The following PCED1B variants were observed in gnomAD, a reference collection of about 807,000 sequenced individuals.
PCED1B encodes the protein PC-esterase domain-containing protein 1B.
For synonymous variants in PCED1B, 251 were observed against 246.1 expected, an observed-to-expected ratio of 1.02 and a Z score of -0.19; for missense variants, 573 against 573.9, an observed-to-expected ratio of 1.00 and a Z score of 0.02.
At chr12:47,108,130 C>T (rs1184816921) in intron 2 of PCED1B, among the ~76,000 whole-genome samples, 3 of 152,148 alleles carry the variant, frequency 2.0e-5, no homozygotes, top group Non-Finnish European at 2.9e-5. Context: ...AAATTGTTGA[C>T]TTGCAAGATG....
chr12:47,164,907 G>A (rs1160271841), intron 2 of PCED1B, among the ~76,000 whole-genome samples: 2 of 152,240 alleles, frequency 1.3e-5, no homozygotes. Context: ...CCAGGATGTA[G>A]TGAGCAGGTC....
intron 2 of PCED1B, among the ~76,000 whole-genome samples, chr12:47,214,529 C>T (rs1263921233): frequency 6.6e-6 from 1 of 151,866 alleles, no homozygotes; most frequent in Non-Finnish European, 1.5e-5. Context: ...CATTTTTGGC[C>T]AGGCTCGGTG....
Position 47,223,613 on chromosome 12 carries a change from A to T in PCED1B, c.-58+6924A>T, listed in dbSNP as rs1445633917. The T allele has an allele frequency of 2.0e-5, 3 of 152,268 alleles. No homozygotes were observed. The East Asian group carries it at 5.8e-4, about 29-fold the overall frequency. The allele number at this position is 152,268 out of a possible 1,614,324, so 9.4% of individuals were successfully genotyped here. ...AATGCAGAATGCAAATTATCCCCTC[A>T]CTGGGGGATATCCGGGAGCGAAGTC... On this transcript the variant is annotated intron_variant, in intron 3 of 3. Coordinates refer to ENST00000546455, the MANE Select transcript of PCED1B (RefSeq NM_138371.3).
At chr12:47,225,727 G>A (rs778348061) in intron 3 of PCED1B, among the ~76,000 whole-genome samples, 1 of 152,124 alleles carries the variant, frequency 6.6e-6, no homozygotes, top group Admixed American at 6.5e-5. Context: ...ATTGTATTAA[G>A]ATAGTCATAT....
At chr12:47,160,293 C>CTTTTTTTTTTTTTTT (rs59856338) in intron 2 of PCED1B, among the ~76,000 whole-genome samples, 32 of 69,220 alleles carry the variant, frequency 4.6e-4, no homozygotes, top group Non-Finnish European at 7.0e-4. Context: ...TTTTCTTTTT[C>CTTTTTTTTTTTTTTT]TTTTTTTTTT....
chr12:47,125,422 T>C (rs1939845981), intron 2 of PCED1B, among the ~76,000 whole-genome samples: 1 of 152,056 alleles, frequency 6.6e-6, no homozygotes, highest in African/African-American at 2.4e-5. Flanking sequence ...CTGTTGCTTT[T>C]TAATACGTCT....
intron 2 of PCED1B, among the ~76,000 whole-genome samples, chr12:47,110,497 C>G (rs1565752805): frequency 1.3e-5 from 2 of 152,088 alleles, no homozygotes; most frequent in African/African-American, 4.8e-5. Flanking sequence ...GGATCTAGCC[C>G]AAATTTACTA....
chr12:47,213,139 C>T (rs1943144655), intron 2 of PCED1B, among the ~76,000 whole-genome samples: 1 of 152,190 alleles, frequency 6.6e-6, no homozygotes, highest in Admixed American at 6.5e-5. Context: ...TGTTCATCAA[C>T]ACAAAGTTTG....
At chr12:47,133,235 T>C (rs1234558964) in intron 2 of PCED1B, among the ~76,000 whole-genome samples, 2 of 152,206 alleles carry the variant, frequency 1.3e-5, no homozygotes, top group African/African-American at 4.8e-5. Flanking sequence ...ACATGATGTC[T>C]GCAAACACAT....
intron 2 of PCED1B, among the ~76,000 whole-genome samples, chr12:47,128,503 G>A (rs1939991334): frequency 6.6e-6 from 1 of 152,086 alleles, no homozygotes; most frequent in Admixed American, 6.5e-5. Context: ...CAAATATTCT[G>A]CTAAGCAAGA....
chr12:47,230,628 G>C (rs1266676071), intron 3 of PCED1B, among the ~76,000 whole-genome samples: 5 of 151,972 alleles, frequency 3.3e-5, no homozygotes, highest in Non-Finnish European at 7.4e-5. Context: ...TTTTCGTAGA[G>C]ACAGGATTTC....
intron 2 of PCED1B, among the ~76,000 whole-genome samples, chr12:47,123,492 A>G (rs903360772): frequency 3.9e-5 from 6 of 152,130 alleles, no homozygotes; most frequent in African/African-American, 1.4e-4. Context: ...AAAATTTGAT[A>G]TATGGTTAAG....
chr12:47,217,444 G>GAAAGAAAGAAAAAGAAAGAAAGAA (rs770323431), intron 3 of PCED1B, among the ~76,000 whole-genome samples: 1 of 80,476 alleles, frequency 1.2e-5, no homozygotes, highest in African/African-American at 4.8e-5. Flanking sequence ...AAAAAAGAAA[G>GAAAGAAAGAAAAAGAAAGAAAGAA]AAAGAAAGAA....
At chr12:47,098,628 G>A (rs532150682) in intron 1 of PCED1B, among the ~76,000 whole-genome samples, 2 of 152,156 alleles carry the variant, frequency 1.3e-5, no homozygotes, top group South Asian at 2.1e-4. Context: ...GACTACAGGC[G>A]CCCGCCACCA....
At chr12:47,132,001 T>G (rs996933188) in intron 2 of PCED1B, among the ~76,000 whole-genome samples, 33 of 152,114 alleles carry the variant, frequency 2.2e-4, no homozygotes, top group Non-Finnish European at 2.1e-4. Flanking sequence ...TATACTTACA[T>G]AAAAAATAGG....
intron 2 of PCED1B, among the ~76,000 whole-genome samples, chr12:47,186,985 ACTCTCCTTGGAAGCAAAGAT>A (rs1468446815): frequency 6.6e-6 from 1 of 152,030 alleles, no homozygotes; most frequent in East Asian, 1.9e-4. Context: ...GTCGGGGACC[ACTCTCCTTGGAAGCAAAGAT>A]CTCTCCTTAC....
intron 1 of PCED1B, among the ~76,000 whole-genome samples, chr12:47,101,504 C>T (rs1377456460): frequency 1.3e-5 from 2 of 152,126 alleles, no homozygotes; most frequent in Non-Finnish European, 2.9e-5. Flanking sequence ...ACAAAGTCTC[C>T]CCAATTTTTA....
chr12:47,133,674 T>C (rs1354059589), intron 2 of PCED1B, among the ~76,000 whole-genome samples: 2 of 152,204 alleles, frequency 1.3e-5, no homozygotes, highest in African/African-American at 4.8e-5. Flanking sequence ...TACCCAGATA[T>C]ATTACTTGTC....
intron 2 of PCED1B, among the ~76,000 whole-genome samples, chr12:47,123,850 C>T (rs1939777986): frequency 6.6e-6 from 1 of 151,992 alleles, no homozygotes; most frequent in African/African-American, 2.4e-5. Flanking sequence ...TGGCCTTTCT[C>T]TCATGTTATT....
Sources: allele counts gnomAD v4.1 joint callset (sites outside exome capture counted in the v4.1 genomes callset), GRCh38; gene constraint gnomAD v4.1.1; transcripts MANE v1.5; gene names NCBI Gene and HGNC (gene_info 2026-07-23, HGNC 2026-07-21).